The following STPG2 variants were observed in gnomAD, a reference collection of about 807,000 sequenced individuals.
STPG2 encodes sperm-tail PG-rich repeat-containing protein 2.
Under a neutral mutation model 54.2 loss-of-function variants are expected in STPG2, and 56 were observed. That is an observed-to-expected ratio of 1.03 (90% CI 0.83 to 1.29). The LOEUF is 1.29. Ranked by LOEUF, STPG2 falls within the 50% of genes most tolerant of loss-of-function variation. The probability of loss-of-function intolerance (pLI) is 0.00; values close to 1 mark genes in which losing one functional copy is unlikely to be tolerated. For missense variants in STPG2, 596 were observed against 544.9 expected, an observed-to-expected ratio of 1.09 and a Z score of -0.93; for synonymous variants, 200 against 181.8, an observed-to-expected ratio of 1.10 and a Z score of -0.81.
At chr4:97,904,082 C>A (rs905086936) in intron 8 of STPG2, among the ~76,000 whole-genome samples, 10 of 152,218 alleles carry the variant, frequency 6.6e-5, no homozygotes, top group African/African-American at 1.9e-4. Flanking sequence ...AAAGCTCGAA[C>A]TGGGTGGAGC....
intron 10 of STPG2, among the ~76,000 whole-genome samples, chr4:97,674,549 A>T (rs1722784792): frequency 6.6e-6 from 1 of 152,172 alleles, no homozygotes. Context: ...GAACAGCATG[A>T]TAAAAAAAGA....
chr4:97,498,317 T>A (rs1036772617), intron 4 of STPG2, among the ~76,000 whole-genome samples: 1 of 151,942 alleles, frequency 6.6e-6, no homozygotes, highest in Non-Finnish European at 1.5e-5. Flanking sequence ...CATTTTTATG[T>A]AAGATGTTAA....
At chr4:97,548,006 C>T (rs1441353996) in intron 4 of STPG2, among the ~76,000 whole-genome samples, 1 of 151,932 alleles carries the variant, frequency 6.6e-6, no homozygotes, top group Non-Finnish European at 1.5e-5. Flanking sequence ...TAAAATTAGC[C>T]GGGCGTGGTG....
intron 5 of STPG2, among the ~76,000 whole-genome samples, chr4:98,102,392 T>C (rs1228122125): frequency 6.6e-6 from 1 of 152,226 alleles, no homozygotes; most frequent in African/African-American, 2.4e-5. Context: ...ACAACAGCAG[T>C]TGAGTAGCTG....
chr4:98,099,798 T>A (rs1467820719), intron 5 of STPG2, among the ~76,000 whole-genome samples: 4 of 152,208 alleles, frequency 2.6e-5, no homozygotes, highest in South Asian at 4.1e-4. Context: ...TCTAAAAAAC[T>A]TTTTTTAATG....
At chr4:97,867,800 T>A (rs1729846653) in intron 8 of STPG2, among the ~76,000 whole-genome samples, 1 of 151,990 alleles carries the variant, frequency 6.6e-6, no homozygotes, top group African/African-American at 2.4e-5. Context: ...AAATGGATAC[T>A]TCATTTTATT....
chr4:98,007,131 G>A (rs1055321244), intron 5 of STPG2, among the ~76,000 whole-genome samples: 21 of 152,226 alleles, frequency 1.4e-4, no homozygotes, highest in African/African-American at 4.6e-4. Context: ...CCTATGCCTG[G>A]GACACCAGAG....
chr4:97,816,901 C>T (rs1195575324), intron 9 of STPG2, among the ~76,000 whole-genome samples: 16 of 148,300 alleles, frequency 1.1e-4, no homozygotes. Context: ...TTATTTCTCT[C>T]ATATATGCAC....
intron 5 of STPG2, among the ~76,000 whole-genome samples, chr4:98,047,795 C>A (rs1737184603): frequency 1.3e-5 from 2 of 152,024 alleles, no homozygotes; most frequent in African/African-American, 4.8e-5. Flanking sequence ...TTAAATACAA[C>A]AATTTTTATA....
intron 7 of STPG2, among the ~76,000 whole-genome samples, chr4:97,966,448 C>T (rs532667078): frequency 6.6e-5 from 10 of 152,182 alleles, no homozygotes; most frequent in Non-Finnish European, 1.3e-4. Context: ...GGAAAACACT[C>T]TTCACAATAT....
At chr4:98,136,157 C>A (rs1349747276) in intron 1 of STPG2, among the ~76,000 whole-genome samples, 1 of 151,178 alleles carries the variant, frequency 6.6e-6, no homozygotes, top group Non-Finnish European at 1.5e-5. Flanking sequence ...ATAAAAAAGA[C>A]CCAAATCAAA....
At chr4:97,598,381 AC>A (rs58524128) in intron 10 of STPG2, among the ~76,000 whole-genome samples, 19,975 of 151,952 alleles carry the variant, frequency 0.13, 4,037 homozygotes, top group African/African-American at 0.44. Context: ...AGAAAAAAAA[AC>A]ATTTTAAAAT....
intron 5 of STPG2, chr4:98,025,516 T>A: frequency 1.5e-6 from 1 of 648,164 alleles, no homozygotes. Context: ...AAAATAAATA[T>A]AAAACACCCA....
At chr4:98,026,714 T>C (rs1736434876) in intron 5 of STPG2, among the ~76,000 whole-genome samples, 1 of 152,128 alleles carries the variant, frequency 6.6e-6, no homozygotes, top group South Asian at 2.1e-4. Context: ...ACCATAGCTA[T>C]GCCCTCTCCA....
intron 3 of STPG2, among the ~76,000 whole-genome samples, chr4:98,118,394 A>G (rs1578178773): frequency 6.6e-6 from 1 of 152,114 alleles, no homozygotes; most frequent in Non-Finnish European, 1.5e-5. Flanking sequence ...ACTACTTTCA[A>G]TGTACTATGG....
intron 9 of STPG2, among the ~76,000 whole-genome samples, chr4:97,809,840 T>C (rs1727681672): frequency 6.6e-6 from 1 of 152,110 alleles, no homozygotes; most frequent in Admixed American, 6.6e-5. Flanking sequence ...TCTATAGAAC[T>C]GTGAGCTGAT....
intron 5 of STPG2, among the ~76,000 whole-genome samples, chr4:98,013,124 C>A (rs1313184351): frequency 6.6e-6 from 1 of 152,156 alleles, no homozygotes; most frequent in Non-Finnish European, 1.5e-5. Flanking sequence ...AGATATGTTC[C>A]ATCAATACCT....
intron 9 of STPG2, among the ~76,000 whole-genome samples, chr4:97,809,231 T>C (rs183570235): frequency 1.1e-4 from 17 of 152,076 alleles, no homozygotes; most frequent in African/African-American, 4.1e-4. Context: ...AAACTAGAAA[T>C]TGAAAACACA....
intron 6 of STPG2, among the ~76,000 whole-genome samples, chr4:97,980,354 A>G (rs1285567953): frequency 6.6e-6 from 1 of 152,090 alleles, no homozygotes; most frequent in African/African-American, 2.4e-5. Context: ...ATTCTTTGCT[A>G]CTCTTCTCAC....
Sources: allele counts gnomAD v4.1 joint callset (sites outside exome capture counted in the v4.1 genomes callset), GRCh38; gene constraint gnomAD v4.1.1; transcripts MANE v1.5; gene names NCBI Gene and HGNC (gene_info 2026-07-23, HGNC 2026-07-21).